ZNF75D: variants seen among roughly 807,000 people sequenced by gnomAD.
ZNF75D encodes zinc finger protein 75.
A neutral mutation model predicts 33.3 loss-of-function variants in ZNF75D; 33 were observed. The observed-to-expected ratio is 0.99, with a 90% CI of 0.75 to 1.32. The LOEUF (loss-of-function observed/expected upper bound fraction) is 1.32. Among genes scored for constraint, ZNF75D ranks in the 40% most tolerant of loss-of-function variants. ZNF75D has a pLI of 0.00. For synonymous variants in ZNF75D, 113 were observed against 130.6 expected, an observed-to-expected ratio of 0.87 and a Z score of 0.92; for missense variants, 338 against 367.5, an observed-to-expected ratio of 0.92 and a Z score of 0.66.
chrX:135,263,763 T>C (rs2083852429), intron 1 of ZNF75D, among the ~76,000 whole-genome samples: 1 of 112,724 alleles, frequency 8.9e-6, no homozygotes. Flanking sequence ...CCTGACCCCT[T>C]GTGCTTCCTG....
At chrX:135,288,775 C>T (rs1055767531) in intron 6 of ZNF75D, among the ~76,000 whole-genome samples, 14 of 112,033 alleles carry the variant, frequency 1.2e-4, no homozygotes, top group Admixed American at 9.4e-4. Flanking sequence ...ACACCCTGTA[C>T]TCTACACACA....
chrX:135,260,664 T>C (rs1173669612), intron 1 of ZNF75D, among the ~76,000 whole-genome samples: 8 of 112,093 alleles, frequency 7.1e-5, no homozygotes, highest in African/African-American at 2.6e-4. Flanking sequence ...TATATTTTAT[T>C]GTGTATATTT....
At chrX:135,313,720 T>A (rs1556429896) in intron 1 of ZNF75D, among the ~76,000 whole-genome samples, 4 of 111,624 alleles carry the variant, frequency 3.6e-5, no homozygotes, top group African/African-American at 1.3e-4. Flanking sequence ...CTGGTTAAAT[T>A]TATTCCTAGG....
intron 1 of ZNF75D, among the ~76,000 whole-genome samples, chrX:135,272,334 C>A (rs1038286141): frequency 9.6e-6 from 1 of 104,587 alleles, no homozygotes; most frequent in Non-Finnish European, 1.9e-5. Context: ...GGGTCTCCCC[C>A]TCCTGCTCAT....
At chrX:135,332,427 G>T (rs782086943) in intron 1 of ZNF75D, among the ~76,000 whole-genome samples, 76 of 110,316 alleles carry the variant, frequency 6.9e-4, no homozygotes, top group African/African-American at 2.5e-3. Context: ...TCATGAATAG[G>T]ATTAGTGCCT....
chrX:135,309,489 G>A (rs1425295608), intron 1 of ZNF75D: 1 of 295,043 alleles, frequency 3.4e-6, no homozygotes, highest in South Asian at 2.1e-4. Flanking sequence ...CATGGATAAA[G>A]AACTCCCTAA....
At position 135,287,746 on chromosome X, in the gene ZNF75D, C is replaced by T; in HGVS notation, c.924G>A (p.Met308Ile). 8.3e-7 allele frequency: 1 copy of T among 1,211,472 alleles called. No individual in the cohort carries two copies. The highest frequency in any genetic ancestry group is 1.8e-5 in the South Asian group (1 of 57,001). ...TGCCCATTGTTTTCTGGGCAATTTT[C>T]ATTCTGGTCTTTTTTGATACTTCGC... ...SGCEVSKKTRMKIAQKTMGRE... is the reference protein window; with the variant it reads ...SGCEVSKKTRIKIAQKTMGRE... Residue 308 changes from methionine (M) to isoleucine (I), a missense_variant, in exon 7 of 7, where the codon ATG becomes ATA. Coordinates refer to ENST00000370766, the MANE Select transcript of ZNF75D (RefSeq NM_007131.5).
At chrX:135,268,382 T>G (rs952883351) in intron 1 of ZNF75D, among the ~76,000 whole-genome samples, 1 of 109,086 alleles carries the variant, frequency 9.2e-6, no homozygotes, top group African/African-American at 3.3e-5. Context: ...ACCAAATAAG[T>G]ATTAGGACTG....
intron 1 of ZNF75D, among the ~76,000 whole-genome samples, chrX:135,261,997 A>C (rs2083844542): frequency 8.9e-6 from 1 of 111,756 alleles, no homozygotes; most frequent in Admixed American, 9.5e-5. Context: ...GGTGGTGACA[A>C]AATCTCTCAG....
chrX:135,318,096 T>A (rs1410001908), intron 1 of ZNF75D, among the ~76,000 whole-genome samples: 1 of 105,722 alleles, frequency 9.5e-6, no homozygotes, highest in Non-Finnish European at 1.9e-5. Context: ...TATTTTTTTT[T>A]TTTTTTTGCG....
intron 1 of ZNF75D, among the ~76,000 whole-genome samples, chrX:135,270,613 C>T (rs1289837984): frequency 6.4e-5 from 7 of 109,080 alleles, no homozygotes; most frequent in African/African-American, 2.3e-4. Flanking sequence ...GGAATTGCAT[C>T]AGTTTTTCAT....
intron 1 of ZNF75D, among the ~76,000 whole-genome samples, chrX:135,258,795 T>A (rs2083823396): frequency 8.9e-6 from 1 of 112,293 alleles, no homozygotes; most frequent in Non-Finnish European, 1.9e-5. Context: ...GCTCTTTAGT[T>A]TAATTAAATC....
At chrX:135,324,329 C>T (rs948307664) in intron 1 of ZNF75D, among the ~76,000 whole-genome samples, 5 of 111,925 alleles carry the variant, frequency 4.5e-5, no homozygotes, top group Admixed American at 3.8e-4. Context: ...TGTTCTTAAT[C>T]CAGGCCAGGT....
At chrX:135,325,275 G>A (rs1302570961) in intron 1 of ZNF75D, among the ~76,000 whole-genome samples, 2 of 107,992 alleles carry the variant, frequency 1.9e-5, no homozygotes, top group African/African-American at 6.7e-5. Context: ...TAATATCATT[G>A]AGAGGTGACA....
At chrX:135,277,627 CA>C (rs2083904102) in intron 1 of ZNF75D, among the ~76,000 whole-genome samples, 1 of 112,499 alleles carries the variant, frequency 8.9e-6, no homozygotes, top group Admixed American at 9.4e-5. Flanking sequence ...TTAGGTCTTA[CA>C]TTTAAGTCTT....
At chrX:135,289,441 C>T (rs2084003446) in intron 6 of ZNF75D, among the ~76,000 whole-genome samples, 1 of 111,867 alleles carries the variant, frequency 8.9e-6, no homozygotes, top group African/African-American at 3.3e-5. Context: ...CATGGTGAAA[C>T]CATGTCTCCA....
At chrX:135,284,009 C>G (rs1314527699), downstream of ZNF75D, among the ~76,000 whole-genome samples, 1 of 111,677 alleles carries the variant, frequency 9.0e-6, no homozygotes, top group African/African-American at 3.3e-5. Flanking sequence ...TCTCCTAGAC[C>G]CTTTCTTATC....
chrX:135,266,153 A>C (rs1602584950), intron 1 of ZNF75D, among the ~76,000 whole-genome samples: 1 of 111,878 alleles, frequency 8.9e-6, no homozygotes, highest in East Asian at 2.8e-4. Flanking sequence ...CAAGAAATTA[A>C]AACATACACC....
rs1280771996 is a variant in ZNF75D, at chrX:135,337,234, AT to A, written c.-391+4533del. Among the ~76,000 whole-genome samples, 3 of 111,768 alleles carry A rather than the reference AT, an allele frequency of 2.7e-5. No individual in the cohort carries two copies. In the East Asian group the frequency reaches 8.3e-4, roughly 31 times the overall value. ...CACACACATATATACAATGTATATA[AT>A]TTTTTCTCTCTCAACTTACAGTCAT... On this transcript the variant is annotated intron_variant, in intron 1 of 6. Coordinates refer to ENST00000370766, the MANE Select transcript of ZNF75D (RefSeq NM_007131.5).
Sources: allele counts gnomAD v4.1 joint callset (sites outside exome capture counted in the v4.1 genomes callset), GRCh38; gene constraint gnomAD v4.1.1; transcripts MANE v1.5; gene names NCBI Gene and HGNC (gene_info 2026-07-23, HGNC 2026-07-21).